Variants in LRBA observed in about 807,000 individuals in gnomAD.
LRBA encodes the protein lipopolysaccharide-responsive and beige-like anchor protein.
LRBA carries 176 observed loss-of-function variants against 330.0 expected under a neutral mutation model. That is an observed-to-expected ratio of 0.53 (90% CI 0.47 to 0.60). The LOEUF is 0.60. Among genes scored for constraint, LRBA ranks in the 20% least tolerant of loss-of-function variants. The pLI, the probability that LRBA is intolerant of heterozygous loss-of-function variation, is 0.00. For missense variants in LRBA, 3,259 were observed against 3,444.8 expected, an observed-to-expected ratio of 0.95 and a Z score of 1.35; for synonymous variants, 1,230 against 1,193.0, an observed-to-expected ratio of 1.03 and a Z score of -0.64.
chr4:150,358,199 G>A (rs1738150701), intron 47 of LRBA, among the ~76,000 whole-genome samples: 1 of 152,098 alleles, frequency 6.6e-6, no homozygotes, highest in Non-Finnish European at 1.5e-5. Context: ...TTGAATGGTA[G>A]GTTCTAGATT....
At chr4:150,412,816 CA>C (rs1747194488) in intron 47 of LRBA, among the ~76,000 whole-genome samples, 1 of 150,712 alleles carries the variant, frequency 6.6e-6, no homozygotes, top group Non-Finnish European at 1.5e-5. Context: ...GTATATTCAC[CA>C]ATAATGAGGA....
chr4:150,880,922 AAACAT>A (rs1728309886), intron 17 of LRBA, among the ~76,000 whole-genome samples: 1 of 152,226 alleles, frequency 6.6e-6, no homozygotes, highest in South Asian at 2.1e-4. Context: ...AGCAGGCAAC[AAACAT>A]ATGAAAAAAT....
At chr4:150,969,783 G>C (rs1739316260) in intron 2 of LRBA, among the ~76,000 whole-genome samples, 4 of 152,120 alleles carry the variant, frequency 2.6e-5, no homozygotes. Context: ...GCGGTTTCTT[G>C]AGATGGAAAT....
chr4:150,434,929 C>T (rs4696352), intron 46 of LRBA, among the ~76,000 whole-genome samples: 91,903 of 151,770 alleles, frequency 0.61, 31,210 homozygotes, highest in Non-Finnish European at 0.75. Context: ...ACACTACCTA[C>T]CATATTTTCC....
At chr4:150,553,239 T>C (rs959959925) in intron 40 of LRBA, among the ~76,000 whole-genome samples, 6 of 151,952 alleles carry the variant, frequency 3.9e-5, no homozygotes, top group Non-Finnish European at 7.4e-5. Context: ...ACACTGCATG[T>C]TCTCACTCAT....
Position 150,735,312 on chromosome 4 carries a change from T to C in LRBA, c.5700A>G (p.Glu1900=). Residue 1900 remains glutamate, a synonymous_variant, in exon 36 of 57, where the codon GAA becomes GAG. Transcript: ENST00000651943. ...DHLVRVANEA[E]FILSRQRAED... is the part of the protein sequence containing the mutation. Reference sequence around the variant, plus strand: ...CTGCTCTCTGCCTGCTCAGGATAAATTCAGCTTCATTTGCTACTCTTACTA... The same window carrying C: ...CTGCTCTCTGCCTGCTCAGGATAAACTCAGCTTCATTTGCTACTCTTACTA... 1 of 1,613,832 alleles carries C rather than the reference T, an allele frequency of 6.2e-7. No individual in the cohort carries two copies. Among genetic ancestry groups the C allele is most frequent in the South Asian group, 1.1e-5 (1 of 91,070 alleles).
At chr4:150,982,631 A>G (rs1740978862) in intron 2 of LRBA, among the ~76,000 whole-genome samples, 2 of 151,832 alleles carry the variant, frequency 1.3e-5, no homozygotes, top group South Asian at 4.1e-4. Context: ...CATAGAATAA[A>G]AAATACCAGT....
intron 44 of LRBA, among the ~76,000 whole-genome samples, chr4:150,459,141 T>TAGCTGC (rs1056207737): frequency 2.6e-5 from 4 of 151,904 alleles, no homozygotes; most frequent in African/African-American, 9.7e-5. Flanking sequence ...GGTATAAGCT[T>TAGCTGC]AGCTGCCGCA....
intron 48 of LRBA, among the ~76,000 whole-genome samples, chr4:150,337,550 T>C (rs1271575599): frequency 2.0e-5 from 3 of 152,220 alleles, no homozygotes; most frequent in Non-Finnish European, 2.9e-5. Flanking sequence ...AATGTAGGTT[T>C]TCAATTAAAA....
At chr4:150,487,924 A>C in intron 41 of LRBA, 90 bp from the exon 42 acceptor site, 1 of 586,028 alleles carries the variant, frequency 1.7e-6, no homozygotes, top group Non-Finnish European at 3.1e-6. Context: ...TTTACTTTTA[A>C]TTCAGGTATC....
intron 26 of LRBA, among the ~76,000 whole-genome samples, chr4:150,846,940 G>C (rs1013977266): frequency 2.0e-5 from 3 of 152,140 alleles, no homozygotes; most frequent in Non-Finnish European, 4.4e-5. Context: ...GATGATTCTT[G>C]AGTAAGGCTT....
At chr4:150,847,324 AAAC>A (rs1354833830) in intron 26 of LRBA, among the ~76,000 whole-genome samples, 1 of 152,314 alleles carries the variant, frequency 6.6e-6, no homozygotes, top group African/African-American at 2.4e-5. Flanking sequence ...TTAAATTTTA[AAAC>A]AACTGTCTAT....
Position 150,893,161 on chromosome 4 carries a change from T to A in LRBA, c.2068-12A>T, listed in dbSNP as rs1729646733. ...ATTAGATTGTCATCCTATAATCATT[T>A]TAGAAATTTTTTTTAAAAAATGAGG... is the stretch of plus-strand genomic sequence containing the variant. On this transcript the variant is annotated splice_polypyrimidine_tract_variant and intron_variant, in intron 16 of 56. Transcript: ENST00000651943. 2.6e-6 allele frequency: 4 copies of A among 1,536,374 alleles called. No homozygotes were observed. The South Asian group carries it at 3.6e-5, about 14-fold the overall frequency.
At chr4:150,274,066 A>C (rs1746461766) in intron 56 of LRBA, among the ~76,000 whole-genome samples, 1 of 152,066 alleles carries the variant, frequency 6.6e-6, no homozygotes, top group Non-Finnish European at 1.5e-5. Flanking sequence ...AAAGTAAAAC[A>C]CTCCTCAGCA....
At chr4:150,508,145 A>G (rs376759547) in intron 40 of LRBA, among the ~76,000 whole-genome samples, 15 of 146,022 alleles carry the variant, frequency 1.0e-4, no homozygotes, top group Non-Finnish European at 1.5e-4. Flanking sequence ...GTTAATGGGT[A>G]CAGCACACCA....
chr4:150,273,850 C>CAAT (rs1746437699), intron 56 of LRBA, among the ~76,000 whole-genome samples: 1 of 152,108 alleles, frequency 6.6e-6, no homozygotes, highest in South Asian at 2.1e-4. Context: ...GACTCCCACA[C>CAAT]AATAATAGTG....
In LRBA at chr4:150,321,266, C is replaced by T. The variant is rs763673937; in HGVS notation, c.7555G>A (p.Gly2519Ser). 5 of 1,612,310 alleles carry T rather than the reference C, an allele frequency of 3.1e-6. No homozygotes were observed. In the East Asian group the frequency reaches 8.9e-5, roughly 29 times the overall value. Residue 2519 changes from glycine (G) to serine (S), a missense_variant, in exon 50 of 57, where the codon GGT becomes AGT. Transcript: ENST00000651943. This position sits in a 1 kb window ranked among gnomAD's most constrained non-coding sequence, Gnocchi z 4.5. Reference protein sequence around the residue: ...VTHVAANTQPGLATPAVITVT... With the variant: ...VTHVAANTQPSLATPAVITVT... ...GTGATCACAGCGGGAGTTGCCAAAC[C>T]AGGCTGGGTGTTGGCTGCCACGTGA...
intron 42 of LRBA, among the ~76,000 whole-genome samples, chr4:150,484,119 C>G (rs892661895): frequency 7.9e-5 from 12 of 151,952 alleles, no homozygotes; most frequent in African/African-American, 2.9e-4. Context: ...CCTTTCCAAT[C>G]AGGATGTCTG....
At chr4:150,410,850 T>C (rs1042386840) in intron 47 of LRBA, among the ~76,000 whole-genome samples, 14 of 152,332 alleles carry the variant, frequency 9.2e-5, no homozygotes, top group African/African-American at 3.4e-4. Flanking sequence ...CCCCAGAGTA[T>C]GGTTTTCTTT....
Sources: allele counts gnomAD v4.1 joint callset (sites outside exome capture counted in the v4.1 genomes callset), GRCh38; gene constraint gnomAD v4.1.1; non-coding constraint Gnocchi (gnomAD v3.1); transcripts MANE v1.5; gene names NCBI Gene and HGNC (gene_info 2026-07-23, HGNC 2026-07-21).